Variants in SCFD2 observed in about 807,000 individuals in gnomAD.
The protein encoded by SCFD2 is sec1 family domain-containing protein 2.
SCFD2 carries 54 observed loss-of-function variants against 58.9 expected under a neutral mutation model. The ratio of observed to expected loss-of-function variants is 0.92; its 90% CI spans 0.74 to 1.15. The LOEUF (loss-of-function observed/expected upper bound fraction) is 1.15. Among genes scored for constraint, SCFD2 ranks in the 50% most tolerant of loss-of-function variants. The pLI, the probability that SCFD2 is intolerant of heterozygous loss-of-function variation, is 0.00. For synonymous variants in SCFD2, 321 were observed against 335.9 expected, an observed-to-expected ratio of 0.96 and a Z score of 0.49; for missense variants, 805 against 836.6, an observed-to-expected ratio of 0.96 and a Z score of 0.47.
chr4:53,082,809 C>T (rs554368280), intron 5 of SCFD2, among the ~76,000 whole-genome samples: 1 of 152,266 alleles, frequency 6.6e-6, no homozygotes, highest in South Asian at 2.1e-4. Context: ...GGCCTTCAGA[C>T]TCAAACTGGA....
intron 4 of SCFD2, among the ~76,000 whole-genome samples, chr4:53,272,856 A>T (rs887360044): frequency 2.6e-4 from 40 of 151,514 alleles, no homozygotes; most frequent in Non-Finnish European, 4.0e-4. Flanking sequence ...AAGTATAATT[A>T]AAAAAAAATA....
chr4:53,356,225 G>A (rs777233413), intron 1 of SCFD2, among the ~76,000 whole-genome samples: 4 of 152,176 alleles, frequency 2.6e-5, no homozygotes, highest in Non-Finnish European at 4.4e-5. Flanking sequence ...ACTTCCCTCA[G>A]AGCCAGTGAT....
intron 5 of SCFD2, among the ~76,000 whole-genome samples, chr4:53,007,315 A>G (rs1258770309): frequency 7.9e-6 from 1 of 126,792 alleles, no homozygotes; most frequent in Non-Finnish European, 1.7e-5. Context: ...GGAGAGAGAG[A>G]GAGAGAGAGA....
intron 4 of SCFD2, among the ~76,000 whole-genome samples, chr4:53,219,686 C>T (rs1219585666): frequency 6.6e-6 from 1 of 152,154 alleles, no homozygotes; most frequent in Non-Finnish European, 1.5e-5. Context: ...GAACCTAGTA[C>T]CTCAGTTAGA....
At chr4:52,931,757 C>G (rs529999073) in intron 5 of SCFD2, among the ~76,000 whole-genome samples, 1 of 152,304 alleles carries the variant, frequency 6.6e-6, no homozygotes, top group Non-Finnish European at 1.5e-5. Context: ...GACATGGAAG[C>G]CCAGATGCAT....
intron 4 of SCFD2, among the ~76,000 whole-genome samples, chr4:53,154,404 C>G (rs1726602649): frequency 6.6e-6 from 1 of 152,080 alleles, no homozygotes; most frequent in African/African-American, 2.4e-5. Flanking sequence ...TTTAAACAAC[C>G]AGATCTCACA....
intron 2 of SCFD2, among the ~76,000 whole-genome samples, chr4:53,336,915 G>A (rs1168735339): frequency 6.6e-6 from 1 of 152,056 alleles, no homozygotes; most frequent in Non-Finnish European, 1.5e-5. Flanking sequence ...CTGTGTATTT[G>A]GAGGAAAAGA....
chr4:52,880,825 A>G (rs573827207), intron 8 of SCFD2, among the ~76,000 whole-genome samples: 1 of 152,246 alleles, frequency 6.6e-6, no homozygotes, highest in Non-Finnish European at 1.5e-5. Flanking sequence ...TTTTCTTCTT[A>G]CAATCACAGG....
intron 3 of SCFD2, among the ~76,000 whole-genome samples, chr4:53,289,131 G>A (rs1425012515): frequency 3.9e-5 from 6 of 152,160 alleles, no homozygotes; most frequent in African/African-American, 9.7e-5. Flanking sequence ...TTGGGAGGCC[G>A]AGGCAGGTGG....
intron 5 of SCFD2, among the ~76,000 whole-genome samples, chr4:52,941,505 AG>A (rs1447732701): frequency 6.6e-6 from 1 of 152,182 alleles, no homozygotes; most frequent in Non-Finnish European, 1.5e-5. Context: ...GGTAGTCTTA[AG>A]AAGATCCCAG....
intron 5 of SCFD2, among the ~76,000 whole-genome samples, chr4:52,935,127 C>T (rs752161874): frequency 8.5e-5 from 13 of 152,088 alleles, no homozygotes; most frequent in South Asian, 2.1e-4. Context: ...GTAAGCCCAG[C>T]GGGAACAAAG....
intron 5 of SCFD2, among the ~76,000 whole-genome samples, chr4:52,974,296 T>G (rs2109556219): frequency 6.6e-6 from 1 of 152,290 alleles, no homozygotes; most frequent in East Asian, 1.9e-4. Context: ...AAAATCTCCT[T>G]CAGCTGATAA....
At chr4:52,917,869 G>A (rs1719644410) in intron 6 of SCFD2, among the ~76,000 whole-genome samples, 1 of 152,194 alleles carries the variant, frequency 6.6e-6, no homozygotes, top group African/African-American at 2.4e-5. Context: ...GGGTTAATGG[G>A]TAAAGATTAA....
intron 3 of SCFD2, among the ~76,000 whole-genome samples, chr4:53,308,801 A>T (rs1167073709): frequency 1.3e-5 from 2 of 152,156 alleles, no homozygotes; most frequent in Non-Finnish European, 2.9e-5. Flanking sequence ...GCATTGGTGG[A>T]AAACAAAAAT....
intron 4 of SCFD2, among the ~76,000 whole-genome samples, chr4:53,253,059 C>T (rs1560413249): frequency 6.6e-6 from 1 of 152,086 alleles, no homozygotes; most frequent in South Asian, 2.1e-4. Flanking sequence ...ACAAACAACC[C>T]CACCAAAAAG....
chr4:53,315,952 C>T (rs765797867), intron 2 of SCFD2, among the ~76,000 whole-genome samples: 18 of 152,124 alleles, frequency 1.2e-4, no homozygotes, highest in East Asian at 1.9e-4. Context: ...TCCAACCATG[C>T]TCCTCCTCAC....
intron 3 of SCFD2, among the ~76,000 whole-genome samples, chr4:53,293,333 C>G (rs1166914175): frequency 6.6e-6 from 1 of 151,646 alleles, no homozygotes; most frequent in Non-Finnish European, 1.5e-5. Context: ...GAAAGAACAT[C>G]AAGAAAAATA....
intron 5 of SCFD2, among the ~76,000 whole-genome samples, chr4:52,954,106 C>T (rs1403020027): frequency 6.6e-6 from 1 of 152,190 alleles, no homozygotes; most frequent in Non-Finnish European, 1.5e-5. Context: ...GGGAGCAGTG[C>T]CTGGCATAGA....
intron 4 of SCFD2, among the ~76,000 whole-genome samples, chr4:53,271,889 A>G (rs1731180452): frequency 6.6e-6 from 1 of 152,230 alleles, no homozygotes; most frequent in Admixed American, 6.5e-5. Flanking sequence ...TGCACAGCAA[A>G]AGAAACTACC....
Sources: gnomAD v4.1 joint callset for allele counts (sites outside exome capture counted in the v4.1 genomes callset) on GRCh38, gnomAD v4.1.1 for gene constraint, MANE v1.5 for transcripts, NCBI Gene and HGNC (gene_info 2026-07-23, HGNC 2026-07-21) for gene names.